The following METTL15 variants were observed in gnomAD, a reference collection of about 807,000 sequenced individuals.
METTL15 encodes methyltransferase 15, mitochondrial 12S rRNA N4-cytidine, also known as 12S rRNA N(4)-cytidine methyltransferase METTL15.
METTL15 carries 34 observed loss-of-function variants against 38.3 expected under a neutral mutation model. The observed-to-expected ratio is 0.89, with a 90% CI of 0.68 to 1.18. The LOEUF is 1.18. Ranked by LOEUF, METTL15 falls within the 50% of genes most tolerant of loss-of-function variation. The probability of loss-of-function intolerance (pLI) is 0.00; values close to 1 mark genes in which losing one functional copy is unlikely to be tolerated. For missense variants in METTL15, 438 were observed against 498.4 expected, an observed-to-expected ratio of 0.88 and a Z score of 1.15; for synonymous variants, 162 against 170.9, an observed-to-expected ratio of 0.95 and a Z score of 0.41.
chr11:28,194,651 T>A (rs556537747), intron 3 of METTL15, among the ~76,000 whole-genome samples: 1 of 152,212 alleles, frequency 6.6e-6, no homozygotes, highest in East Asian at 1.9e-4. Flanking sequence ...AATAAAAGAT[T>A]ATTTTATTTT....
At chr11:28,144,404 C>G (rs1849808231) in intron 3 of METTL15, among the ~76,000 whole-genome samples, 1 of 152,058 alleles carries the variant, frequency 6.6e-6, no homozygotes, top group African/African-American at 2.4e-5. Flanking sequence ...TATTCGCAGT[C>G]TTAGAATTAC....
chr11:28,379,553 C>A (rs1850358961), intron 5 of METTL15, among the ~76,000 whole-genome samples: 1 of 152,058 alleles, frequency 6.6e-6, no homozygotes, highest in Non-Finnish European at 1.5e-5. Context: ...TAGTTTTATT[C>A]CATTGTTATC....
chr11:28,532,171 T>A, the METTL15 span, among the ~76,000 whole-genome samples: 10 of 152,112 alleles, frequency 6.6e-5, no homozygotes, highest in Admixed American at 2.0e-4. Flanking sequence ...CAGGGACTTA[T>A]ATTTTTGAAT....
At chr11:28,403,004 A>C (rs1308103722) in intron 5 of METTL15, among the ~76,000 whole-genome samples, 1 of 152,052 alleles carries the variant, frequency 6.6e-6, no homozygotes, top group East Asian at 1.9e-4. Flanking sequence ...CCAAAGGAAA[A>C]GAAATCATTG....
chr11:28,273,939 A>G (rs1179182475), intron 4 of METTL15, among the ~76,000 whole-genome samples: 1 of 152,012 alleles, frequency 6.6e-6, no homozygotes, highest in Non-Finnish European at 1.5e-5. Flanking sequence ...TTGCAAAACA[A>G]TGGCAATTAA....
At chr11:28,524,807 G>A (rs1851795564) in intron 6 of METTL15, among the ~76,000 whole-genome samples, 1 of 152,190 alleles carries the variant, frequency 6.6e-6, no homozygotes, top group Non-Finnish European at 1.5e-5. Flanking sequence ...TAAAGGTTAT[G>A]TGTCCAGAAT....
At chr11:28,150,592 G>T (rs1850046785) in intron 3 of METTL15, among the ~76,000 whole-genome samples, 1 of 151,456 alleles carries the variant, frequency 6.6e-6, no homozygotes, top group South Asian at 2.1e-4. Context: ...TTTAAAAAAT[G>T]AAAAATCCCT....
chr11:28,133,742 A>G (rs1226299663), intron 3 of METTL15, among the ~76,000 whole-genome samples: 1 of 152,184 alleles, frequency 6.6e-6, no homozygotes, highest in Admixed American at 6.5e-5. Flanking sequence ...GTGGTTGAGC[A>G]GTCTTGGGAA....
At chr11:28,337,786 C>T (rs2133351632), downstream of METTL15, among the ~76,000 whole-genome samples, 1 of 152,160 alleles carries the variant, frequency 6.6e-6, no homozygotes, top group Admixed American at 6.6e-5. Context: ...ACATGCCATA[C>T]AGGTTTGTGT....
chr11:28,158,333 A>G (rs1850334923), intron 3 of METTL15, among the ~76,000 whole-genome samples: 1 of 152,174 alleles, frequency 6.6e-6, no homozygotes, highest in African/African-American at 2.4e-5. Flanking sequence ...TCATCATGCA[A>G]TGCGCCTGTG....
chr11:28,295,606 A>G (rs1174432574), intron 5 of METTL15, among the ~76,000 whole-genome samples: 1 of 152,124 alleles, frequency 6.6e-6, no homozygotes, highest in African/African-American at 2.4e-5. Flanking sequence ...GTCTCAAAAA[A>G]AAAAAAATAA....
intron 6 of METTL15, among the ~76,000 whole-genome samples, chr11:28,473,387 C>T (rs746331667): frequency 5.3e-5 from 8 of 152,050 alleles, no homozygotes; most frequent in Non-Finnish European, 1.0e-4. Context: ...TGGCTAATTA[C>T]GTTTTCATGT....
intron 3 of METTL15, among the ~76,000 whole-genome samples, chr11:28,192,058 G>A (rs1851718884): frequency 6.6e-6 from 1 of 151,618 alleles, no homozygotes; most frequent in South Asian, 2.1e-4. Flanking sequence ...TCAAACATAG[G>A]CAACTAAAGT....
chr11:28,152,116 G>A (rs1243722909), intron 3 of METTL15, among the ~76,000 whole-genome samples: 2 of 151,946 alleles, frequency 1.3e-5, no homozygotes, highest in Non-Finnish European at 2.9e-5. Flanking sequence ...GACCACACCT[G>A]CTACTTTATA....
intron 3 of METTL15, among the ~76,000 whole-genome samples, chr11:28,196,431 T>C (rs555748750): frequency 6.6e-6 from 1 of 152,000 alleles, no homozygotes; most frequent in East Asian, 1.9e-4. Flanking sequence ...TTGGTTAATA[T>C]ATTAAGTTTC....
At chr11:28,310,126 G>A (rs1268352439) in intron 6 of METTL15, among the ~76,000 whole-genome samples, 4 of 151,982 alleles carry the variant, frequency 2.6e-5, no homozygotes, top group Non-Finnish European at 5.9e-5. Flanking sequence ...GCAACTAATT[G>A]GAGAGTCATG....
At chr11:28,211,035 G>A (rs1156350405) in intron 3 of METTL15, 27 bp from the exon 4 acceptor site, 3 of 1,591,824 alleles carry the variant, frequency 1.9e-6, no homozygotes, top group Non-Finnish European at 2.6e-6. Flanking sequence ...ATGCTAAGTT[G>A]TAATTTTCTT....
intron 5 of METTL15, among the ~76,000 whole-genome samples, chr11:28,293,281 G>A (rs1051027333): frequency 7.2e-5 from 11 of 152,064 alleles, no homozygotes; most frequent in African/African-American, 1.7e-4. Context: ...TATGGCTAGC[G>A]AGTTTTCCCA....
intron 4 of METTL15, among the ~76,000 whole-genome samples, chr11:28,276,116 GAAAT>G (rs1277034689): frequency 6.6e-6 from 1 of 152,008 alleles, no homozygotes; most frequent in African/African-American, 2.4e-5. Context: ...GCAAGAGAAA[GAAAT>G]AAGTCATCCA....
Sources: allele counts gnomAD v4.1 joint callset (sites outside exome capture counted in the v4.1 genomes callset), GRCh38; gene constraint gnomAD v4.1.1; transcripts MANE v1.5; gene names NCBI Gene and HGNC (gene_info 2026-07-23, HGNC 2026-07-21).